The following DOCK1 variants were observed in gnomAD, a reference collection of about 807,000 sequenced individuals.
DOCK1 encodes the protein dedicator of cytokinesis protein 1.
In DOCK1, 138 loss-of-function variants were observed where a neutral mutation model predicts 262.7. The ratio of observed to expected loss-of-function variants is 0.53; its 90% CI spans 0.46 to 0.61. DOCK1 has a LOEUF of 0.61. Among genes scored for constraint, DOCK1 ranks in the 20% least tolerant of loss-of-function variants. DOCK1 has a pLI of 0.00. For missense variants in DOCK1, 1,908 were observed against 2,370.7 expected (o/e 0.80, Z 4.05); for synonymous variants, 866 against 867.4 (o/e 1.00, Z 0.03).
intron 27 of DOCK1, among the ~76,000 whole-genome samples, chr10:127,198,079 T>C (rs567452519): frequency 6.6e-6 from 1 of 152,308 alleles, no homozygotes; most frequent in African/African-American, 2.4e-5. Context: ...AAGCTGATTT[T>C]CCAGCTTACC....
At chr10:127,440,843 G>C (rs1350812387) in intron 49 of DOCK1, among the ~76,000 whole-genome samples, 1 of 152,154 alleles carries the variant, frequency 6.6e-6, no homozygotes, top group Non-Finnish European at 1.5e-5. Flanking sequence ...AGGCTGGCCT[G>C]AAGTACCCAG....
At chr10:126,984,589 G>C (rs576774611) in intron 4 of DOCK1, among the ~76,000 whole-genome samples, 1 of 151,462 alleles carries the variant, frequency 6.6e-6, no homozygotes, top group East Asian at 2.0e-4. Flanking sequence ...GGCTGGTCTT[G>C]AACTTCTGAC....
At chr10:126,918,890 C>T (rs977031820) in intron 1 of DOCK1, among the ~76,000 whole-genome samples, 4 of 105,282 alleles carry the variant, frequency 3.8e-5, no homozygotes, top group East Asian at 4.3e-4. Flanking sequence ...CAGGTGGGCA[C>T]GGAGGATTCG....
At chr10:127,236,710 G>A (rs1444242275) in intron 27 of DOCK1, among the ~76,000 whole-genome samples, 1 of 151,388 alleles carries the variant, frequency 6.6e-6, no homozygotes, top group Admixed American at 6.6e-5. Flanking sequence ...TCAATGTTTT[G>A]TGTGTTTCAG....
chr10:126,947,346 ATGG>A (rs2035524137), intron 1 of DOCK1, among the ~76,000 whole-genome samples: 1 of 63,376 alleles, frequency 1.6e-5, no homozygotes, highest in Non-Finnish European at 3.4e-5. Flanking sequence ...ACTGTTGGTG[ATGG>A]TGGTGGTTGG....
chr10:126,992,996 G>T (rs1361221726), intron 6 of DOCK1, among the ~76,000 whole-genome samples: 1 of 152,230 alleles, frequency 6.6e-6, no homozygotes, highest in African/African-American at 2.4e-5. Flanking sequence ...GACTGCACAG[G>T]CCACTTCGTT....
At chr10:127,102,146 T>C (rs956209496) in intron 23 of DOCK1, among the ~76,000 whole-genome samples, 2 of 152,292 alleles carry the variant, frequency 1.3e-5, no homozygotes, top group East Asian at 3.9e-4. Flanking sequence ...TGCTTTATCC[T>C]CTACTCTATT....
At chr10:127,144,079 C>T (rs183270988) in intron 27 of DOCK1, among the ~76,000 whole-genome samples, 14 of 152,242 alleles carry the variant, frequency 9.2e-5, no homozygotes, top group East Asian at 3.9e-4. Context: ...CCTTCCTCTC[C>T]GCCCACCTTC....
In DOCK1 at chr10:127,094,835, C is replaced by T. The variant is rs74158612; in HGVS notation, c.2446-11396C>T. 8.2e-3 allele frequency among the ~76,000 whole-genome samples: 1,242 copies of T among 152,264 alleles called. 20 individuals carry two copies. The highest frequency in any genetic ancestry group is 0.028 in the African/African-American group (1,146 of 41,548). On this transcript the variant is annotated intron_variant, in intron 23 of 51. Transcript: ENST00000623213. ...GGAACTGGACCGTTTTCCTGTCTGT[C>T]GACTTCTGAATTTTAAGTGTTTTTC...
At chr10:127,357,767 G>A (rs1281768027) in intron 32 of DOCK1, among the ~76,000 whole-genome samples, 2 of 152,124 alleles carry the variant, frequency 1.3e-5, no homozygotes, top group African/African-American at 4.8e-5. Flanking sequence ...TTCCTTGCTG[G>A]TAAAATAAGT....
At chr10:127,148,298 T>C (rs576794110) in intron 27 of DOCK1, among the ~76,000 whole-genome samples, 1 of 152,276 alleles carries the variant, frequency 6.6e-6, no homozygotes, top group Admixed American at 6.5e-5. Context: ...CACAGCGTGC[T>C]CCGGGAGGAT....
chr10:127,090,929 G>A (rs893229486), intron 23 of DOCK1, among the ~76,000 whole-genome samples: 11 of 150,824 alleles, frequency 7.3e-5, no homozygotes, highest in South Asian at 2.1e-4. Context: ...TGGCTGTAGC[G>A]TATAGAGCTG....
intron 2 of DOCK1, among the ~76,000 whole-genome samples, chr10:126,971,264 G>T (rs1185169075): frequency 6.6e-6 from 1 of 151,944 alleles, no homozygotes; most frequent in Non-Finnish European, 1.5e-5. Context: ...TGTTGGTCAG[G>T]CTGGTCTCGA....
intron 1 of DOCK1, among the ~76,000 whole-genome samples, chr10:126,955,603 C>T (rs942325441): frequency 8.2e-4 from 125 of 152,056 alleles, no homozygotes; most frequent in Non-Finnish European, 1.7e-3. Context: ...CTGGCGCTGT[C>T]TGGGGTTAAA....
intron 28 of DOCK1, among the ~76,000 whole-genome samples, chr10:127,254,045 A>G (rs2059749965): frequency 6.6e-6 from 1 of 152,116 alleles, no homozygotes. Context: ...CTGTTCAGCA[A>G]ACGTCTCTGG....
chr10:127,361,079 A>G (rs1034271446), intron 32 of DOCK1, among the ~76,000 whole-genome samples: 2 of 148,720 alleles, frequency 1.3e-5, no homozygotes. Context: ...GGAACAAGAT[A>G]GGTGAAATGA....
chr10:127,410,188 C>T (rs747217805), intron 42 of DOCK1, among the ~76,000 whole-genome samples: 1 of 152,142 alleles, frequency 6.6e-6, no homozygotes, highest in Non-Finnish European at 1.5e-5. Flanking sequence ...AAACTGGGAC[C>T]CTGTTTATTT....
intron 27 of DOCK1, among the ~76,000 whole-genome samples, chr10:127,194,246 C>G (rs2056943313): frequency 6.6e-6 from 1 of 152,166 alleles, no homozygotes; most frequent in South Asian, 2.1e-4. Context: ...TTTTTCTTTT[C>G]CTTAACCAAA....
intron 29 of DOCK1, among the ~76,000 whole-genome samples, chr10:127,300,270 C>T (rs1359899652): frequency 2.0e-5 from 3 of 152,200 alleles, no homozygotes; most frequent in Admixed American, 6.5e-5. Flanking sequence ...AGGCTTCTTT[C>T]GCGCTGCCTC....
Sources: gnomAD v4.1 joint callset for allele counts (sites outside exome capture counted in the v4.1 genomes callset) on GRCh38, gnomAD v4.1.1 for gene constraint, MANE v1.5 for transcripts, NCBI Gene and HGNC (gene_info 2026-07-23, HGNC 2026-07-21) for gene names.